The following FBXL17 variants were observed in gnomAD, a reference collection of about 807,000 sequenced individuals.
FBXL17 encodes F-box/LRR-repeat protein 17.
In FBXL17, 22 loss-of-function variants were observed where a neutral mutation model predicts 66.2. The observed-to-expected ratio is 0.33, with a 90% CI of 0.24 to 0.47. The LOEUF (loss-of-function observed/expected upper bound fraction) is 0.47, where lower values mean the gene tolerates loss of function less well. Among genes scored for constraint, FBXL17 ranks in the 20% least tolerant of loss-of-function variants. The probability of loss-of-function intolerance (pLI) is 1.00; values close to 1 mark genes in which losing one functional copy is unlikely to be tolerated. For missense variants in FBXL17, 878 were observed against 948.2 expected (o/e 0.93, Z 0.97); for synonymous variants, 474 against 400.5 (o/e 1.18, Z -2.19).
intron 7 of FBXL17, among the ~76,000 whole-genome samples, chr5:107,907,057 T>G (rs1353076071): frequency 1.3e-5 from 2 of 152,144 alleles, no homozygotes; most frequent in Non-Finnish European, 2.9e-5. Flanking sequence ...TAGATAAAAC[T>G]CCCATGACAT....
At position 108,381,494 on chromosome 5, in the gene FBXL17, G is replaced by C; in HGVS notation, c.198C>G (p.His66Gln). The change falls in exon 1 of 9, where the codon CAC (histidine) becomes CAG (glutamine). Residue 66 changes from histidine (H) to glutamine (Q), a missense_variant. Transcript: ENST00000542267. ...CGGCGGGGGCGGGCGCGCCGGGACT[G>C]TGCACGATGAAGCAGAGCATGCAGG... ...RGPCMLCFIV[H>Q]SPGAPAPAGP... The C allele has an allele frequency of 1.4e-6, 2 of 1,387,116 alleles. No homozygotes were observed. Among genetic ancestry groups the C allele is most frequent in the Non-Finnish European group, 1.8e-6 (2 of 1,081,406 alleles). 85.9% of individuals were successfully genotyped at this position (1,387,116 alleles called of 1,614,324 possible).
At chr5:107,881,212 T>C (rs1279903243) in intron 7 of FBXL17, 33 bp from the exon 8 acceptor site, 5 of 1,389,242 alleles carry the variant, frequency 3.6e-6, no homozygotes, top group Non-Finnish European at 5.0e-6. Context: ...AGCATTAATG[T>C]TAGCAGTGTA....
intron 8 of FBXL17, chr5:107,879,913 T>C: frequency 1.0e-6 from 1 of 985,396 alleles, no homozygotes. Flanking sequence ...CGGCATGAAG[T>C]CTTGCCAGAG....
At chr5:108,120,193 G>C (rs1750430845) in intron 6 of FBXL17, among the ~76,000 whole-genome samples, 1 of 152,154 alleles carries the variant, frequency 6.6e-6, no homozygotes, top group South Asian at 2.1e-4. Context: ...TTGGAACAAA[G>C]AGGTTGATTC....
At chr5:107,921,752 T>C (rs2112561934) in intron 7 of FBXL17, among the ~76,000 whole-genome samples, 1 of 152,318 alleles carries the variant, frequency 6.6e-6, no homozygotes, top group Non-Finnish European at 1.5e-5. Context: ...CACTGCTGGC[T>C]GCTCCTCCCT....
At chr5:108,235,673 G>T (rs1045342564) in intron 4 of FBXL17, among the ~76,000 whole-genome samples, 1 of 152,058 alleles carries the variant, frequency 6.6e-6, no homozygotes, top group Non-Finnish European at 1.5e-5. Context: ...ATAAGGCCCC[G>T]CATGATCTGA....
chr5:108,068,945 T>C (rs913992497), intron 6 of FBXL17, among the ~76,000 whole-genome samples: 1 of 152,212 alleles, frequency 6.6e-6, no homozygotes, highest in Non-Finnish European at 1.5e-5. Flanking sequence ...GTGATTAGAA[T>C]ACTCCTGGCC....
intron 8 of FBXL17, among the ~76,000 whole-genome samples, chr5:107,873,347 T>C (rs1748516297): frequency 6.6e-6 from 1 of 152,226 alleles, no homozygotes; most frequent in Non-Finnish European, 1.5e-5. Context: ...CACTGTTTTT[T>C]CTGACCTATC....
chr5:107,907,970 A>T (rs779171373), intron 7 of FBXL17, among the ~76,000 whole-genome samples: 19 of 152,232 alleles, frequency 1.2e-4, no homozygotes, highest in Non-Finnish European at 8.8e-5. Context: ...ACTATAAATC[A>T]TGCTGCTTTA....
At chr5:108,351,124 T>C (rs1464668446) in intron 3 of FBXL17, among the ~76,000 whole-genome samples, 1 of 151,872 alleles carries the variant, frequency 6.6e-6, no homozygotes, top group Non-Finnish European at 1.5e-5. Flanking sequence ...AAAAACTAGG[T>C]AAAGAAATAA....
intron 7 of FBXL17, among the ~76,000 whole-genome samples, chr5:107,893,865 C>A (rs1345541523): frequency 6.6e-6 from 1 of 152,158 alleles, no homozygotes; most frequent in Non-Finnish European, 1.5e-5. Flanking sequence ...TTCCACATTG[C>A]AGTGATGAAT....
chr5:107,911,214 CCAGGAACA>C (rs1749939044), intron 7 of FBXL17, among the ~76,000 whole-genome samples: 1 of 151,922 alleles, frequency 6.6e-6, no homozygotes, highest in African/African-American at 2.4e-5. Flanking sequence ...TGAAGAGATT[CCAGGAACA>C]GACTTGTGGA....
intron 4 of FBXL17, among the ~76,000 whole-genome samples, chr5:108,239,528 G>A (rs75031038): frequency 1.3e-4 from 20 of 152,310 alleles, no homozygotes; most frequent in Non-Finnish European, 2.8e-4. Context: ...CCTAGCCAGA[G>A]GGGAATTCTC....
chr5:108,254,297 T>G (rs1456902252), intron 4 of FBXL17, among the ~76,000 whole-genome samples: 1 of 152,242 alleles, frequency 6.6e-6, no homozygotes, highest in Non-Finnish European at 1.5e-5. Context: ...ATTTCCCTAT[T>G]TAAGCTTGAA....
At chr5:108,014,244 A>C (rs1754295181) in intron 7 of FBXL17, among the ~76,000 whole-genome samples, 1 of 152,130 alleles carries the variant, frequency 6.6e-6, no homozygotes, top group Non-Finnish European at 1.5e-5. Flanking sequence ...ACAGGAATTG[A>C]GGAAAGAAAA....
intron 4 of FBXL17, 62 bp downstream of exon 4, chr5:108,348,337 C>T: frequency 7.1e-7 from 1 of 1,417,792 alleles, no homozygotes. Context: ...TATAAATAAA[C>T]TTGAAAGAAT....
chr5:108,262,073 TA>T (rs1297581607), intron 4 of FBXL17, among the ~76,000 whole-genome samples: 3,997 of 110,724 alleles, frequency 0.036, 257 homozygotes, highest in African/African-American at 0.11. Context: ...TTTATTTATT[TA>T]TTTATTTATT....
At chr5:107,927,699 A>G (rs1039992425) in intron 7 of FBXL17, among the ~76,000 whole-genome samples, 3 of 152,102 alleles carry the variant, frequency 2.0e-5, no homozygotes, top group Non-Finnish European at 2.9e-5. Context: ...AGGTTCTTTA[A>G]TTTCCAAGCA....
At chr5:108,316,221 G>GA (rs1247682068) in intron 4 of FBXL17, among the ~76,000 whole-genome samples, 15 of 147,864 alleles carry the variant, frequency 1.0e-4, no homozygotes, top group Non-Finnish European at 1.8e-4. Context: ...CTTCAAAGGA[G>GA]AAAAAAAAAC....
Sources: gnomAD v4.1 joint callset for allele counts (sites outside exome capture counted in the v4.1 genomes callset) on GRCh38, gnomAD v4.1.1 for gene constraint, MANE v1.5 for transcripts, NCBI Gene and HGNC (gene_info 2026-07-23, HGNC 2026-07-21) for gene names.